Variants in SNX10 observed in about 807,000 individuals in gnomAD.
SNX10 encodes sorting nexin 10, also known as sorting nexin-10.
Under a neutral mutation model 28.5 loss-of-function variants are expected in SNX10, and 25 were observed. The observed-to-expected ratio is 0.88, with a 90% CI of 0.64 to 1.22. SNX10 has a LOEUF of 1.22. Among genes scored for constraint, SNX10 ranks in the 50% most tolerant of loss-of-function variants. The pLI is 0.00. For synonymous variants in SNX10, 62 were observed against 81.4 expected (o/e 0.76, Z 1.28); for missense variants, 223 against 242.6 (o/e 0.92, Z 0.54).
chr7:26,296,034 C>T (rs1292045385), intron 1 of SNX10, among the ~76,000 whole-genome samples: 2 of 152,178 alleles, frequency 1.3e-5, no homozygotes, highest in African/African-American at 4.8e-5. Flanking sequence ...ACTTAAGAGG[C>T]TGAGGTGGGA....
At chr7:26,328,355 A>G (rs1787586151) in intron 1 of SNX10, among the ~76,000 whole-genome samples, 1 of 152,292 alleles carries the variant, frequency 6.6e-6, no homozygotes, top group East Asian at 1.9e-4. Flanking sequence ...TAGGGTGTGG[A>G]TGGGCAGGGA....
intron 2 of SNX10, chr7:26,357,104 G>T (rs1331200294): frequency 1.8e-6 from 2 of 1,140,672 alleles, no homozygotes; most frequent in Non-Finnish European, 2.3e-6. Context: ...CAGGAGCTTA[G>T]CGTCTGCTAG....
chr7:26,372,086 T>C (rs1789573258), intron 6 of SNX10, 53 bp downstream of exon 6: 1 of 1,115,626 alleles, frequency 9.0e-7, no homozygotes, highest in Non-Finnish European at 1.3e-6. Context: ...ATACATAGTA[T>C]GCACATATGC....
intron 1 of SNX10, among the ~76,000 whole-genome samples, chr7:26,321,694 G>C (rs1787315770): frequency 6.6e-6 from 1 of 152,118 alleles, no homozygotes; most frequent in East Asian, 1.9e-4. Context: ...AGTGAACCCT[G>C]CTGACTGCTG....
Position 26,339,201 on chromosome 7 carries a change from G to A in SNX10, c.-23-7219G>A, listed in dbSNP as rs571384227. ...AGGAATGAATAAGGACATCTTAAGC[G>A]TTAGAAGCAAGATGGAGTCGGTTAG... On this transcript the variant is annotated intron_variant, in intron 1 of 6. Coordinates refer to ENST00000338523, the MANE Select transcript of SNX10 (RefSeq NM_013322.3). 2.6e-4 allele frequency among the ~76,000 whole-genome samples: 39 copies of A among 152,268 alleles called. No individual in the cohort carries two copies. In the South Asian group the frequency reaches 7.7e-3, roughly 30 times the overall value.
chr7:26,323,597 C>T (rs1168091732), intron 1 of SNX10, among the ~76,000 whole-genome samples: 2 of 152,078 alleles, frequency 1.3e-5, no homozygotes, highest in South Asian at 2.1e-4. Flanking sequence ...TTAGTCATGG[C>T]AAGGGATTTA....
chr7:26,322,990 G>A (rs1187377949), intron 1 of SNX10, among the ~76,000 whole-genome samples: 2 of 152,178 alleles, frequency 1.3e-5, no homozygotes, highest in Non-Finnish European at 2.9e-5. Flanking sequence ...GCTCATGACT[G>A]TAATCTCAGC....
chr7:26,293,941 T>C (rs147356673), intron 1 of SNX10, among the ~76,000 whole-genome samples: 8 of 152,362 alleles, frequency 5.3e-5, no homozygotes, highest in African/African-American at 1.9e-4. Flanking sequence ...GCAGTGGATA[T>C]CTTTTCTCAG....
intron 1 of SNX10, among the ~76,000 whole-genome samples, chr7:26,326,604 G>A (rs1787512316): frequency 6.6e-6 from 1 of 152,120 alleles, no homozygotes; most frequent in Admixed American, 6.6e-5. Flanking sequence ...CAATTCTGTC[G>A]CTTAAAGCTA....
chr7:26,321,434 T>C (rs150408478), intron 1 of SNX10, among the ~76,000 whole-genome samples: 9 of 152,360 alleles, frequency 5.9e-5, no homozygotes, highest in African/African-American at 2.2e-4. Flanking sequence ...GATATTTTGT[T>C]CATCTTTGGA....
At chr7:26,359,338 C>T (rs577449369) in intron 2 of SNX10, among the ~76,000 whole-genome samples, 1 of 152,166 alleles carries the variant, frequency 6.6e-6, no homozygotes, top group East Asian at 1.9e-4. Flanking sequence ...GATGAAGAGT[C>T]TCATTTAATT....
At chr7:26,354,959 G>C (rs1210672261) in intron 2 of SNX10, among the ~76,000 whole-genome samples, 2 of 150,556 alleles carry the variant, frequency 1.3e-5, no homozygotes, top group East Asian at 3.9e-4. Context: ...AGTTTTCTCT[G>C]ATGTTTTGTG....
At chr7:26,299,284 C>G (rs1009565307) in intron 1 of SNX10, among the ~76,000 whole-genome samples, 1 of 152,068 alleles carries the variant, frequency 6.6e-6, no homozygotes, top group Non-Finnish European at 1.5e-5. Context: ...CAACTTCTGC[C>G]TCCCGGGTTC....
chr7:26,369,008 CTG>C (rs1459765336), intron 5 of SNX10, among the ~76,000 whole-genome samples: 4 of 152,032 alleles, frequency 2.6e-5, no homozygotes, highest in Non-Finnish European at 5.9e-5. Context: ...TTGAGGAAAA[CTG>C]TGCTTTTCAA....
chr7:26,317,649 C>CTTCTT (rs1283056581), intron 1 of SNX10, among the ~76,000 whole-genome samples: 1 of 144,432 alleles, frequency 6.9e-6, no homozygotes, highest in Non-Finnish European at 1.5e-5. Flanking sequence ...TAATGGTGAT[C>CTTCTT]TTCTTTGATC....
intron 1 of SNX10, among the ~76,000 whole-genome samples, chr7:26,316,165 C>T (rs1214821988): frequency 1.5e-5 from 2 of 136,572 alleles, no homozygotes; most frequent in Non-Finnish European, 3.1e-5. Context: ...GCCTGGGAGA[C>T]AGAGCGAGAC....
At chr7:26,343,635 G>A (rs1788264452) in intron 1 of SNX10, among the ~76,000 whole-genome samples, 1 of 152,328 alleles carries the variant, frequency 6.6e-6, no homozygotes, top group Admixed American at 6.5e-5. Context: ...GGCAGAGTTT[G>A]CTGGTGCCTG....
intron 1 of SNX10, among the ~76,000 whole-genome samples, chr7:26,304,088 C>T (rs1000057971): frequency 3.3e-5 from 5 of 152,246 alleles, no homozygotes; most frequent in South Asian, 2.1e-4. Flanking sequence ...GAATACAAAG[C>T]GAGATGTGGG....
chr7:26,352,451 A>AG (rs1788645041), intron 2 of SNX10, among the ~76,000 whole-genome samples: 2 of 152,174 alleles, frequency 1.3e-5, no homozygotes, highest in Admixed American at 1.3e-4. Context: ...AAAATACGCA[A>AG]GGTAGAGATG....
Sources: gnomAD v4.1 joint callset for allele counts (sites outside exome capture counted in the v4.1 genomes callset) on GRCh38, gnomAD v4.1.1 for gene constraint, MANE v1.5 for transcripts, NCBI Gene and HGNC (gene_info 2026-07-23, HGNC 2026-07-21) for gene names.